Variants in PIK3R1 observed in about 807,000 individuals in gnomAD.
PIK3R1 encodes phosphoinositide-3-kinase regulatory subunit 1, also known as phosphatidylinositol 3-kinase regulatory subunit alpha.
PIK3R1 carries 29 observed loss-of-function variants against 98.0 expected under a neutral mutation model. That is an observed-to-expected ratio of 0.30 (90% CI 0.22 to 0.40). PIK3R1 has a LOEUF of 0.40. Among genes scored for constraint, PIK3R1 ranks in the 10% least tolerant of loss-of-function variants. The probability of loss-of-function intolerance (pLI) is 1.00; values close to 1 mark genes in which losing one functional copy is unlikely to be tolerated. For missense variants in PIK3R1, 596 were observed against 872.7 expected (o/e 0.68, Z 3.99); for synonymous variants, 282 against 311.8 (o/e 0.90, Z 1.01).
intron 2 of PIK3R1, among the ~76,000 whole-genome samples, chr5:68,268,663 T>G (rs1265517527): frequency 6.6e-6 from 1 of 152,222 alleles, no homozygotes; most frequent in Non-Finnish European, 1.5e-5. Context: ...TCCAAACTGC[T>G]TCCATCAGTA....
At chr5:68,278,862 C>T (rs973015957) in intron 4 of PIK3R1, among the ~76,000 whole-genome samples, 2 of 152,092 alleles carry the variant, frequency 1.3e-5, no homozygotes, top group African/African-American at 2.4e-5. Flanking sequence ...ATCGCTTGAA[C>T]CCGGGAGGTG....
intron 4 of PIK3R1, among the ~76,000 whole-genome samples, chr5:68,274,941 G>T (rs1354882848): frequency 2.0e-5 from 3 of 152,140 alleles, no homozygotes; most frequent in African/African-American, 7.2e-5. Context: ...CTCAGTTTTG[G>T]ACTCCGTCAG....
intron 2 of PIK3R1, among the ~76,000 whole-genome samples, chr5:68,242,168 T>A (rs1179521115): frequency 6.6e-6 from 1 of 152,264 alleles, no homozygotes; most frequent in Non-Finnish European, 1.5e-5. Flanking sequence ...GGAGTTGTAC[T>A]CCTTATAGCA....
chr5:68,297,626 C>T lies in PIK3R1; in HGVS notation c.*25C>T, dbSNP rs1282414252. The T allele has an allele frequency of 1.9e-6, 3 of 1,606,182 alleles. No homozygotes were observed. The highest frequency in any genetic ancestry group is 2.6e-6 in the Non-Finnish European group (3 of 1,174,896). ...AAGCGCTTACTCTTTGATCCTTCTC[C>T]TGAAGTTCAGCCACCCTGAGGCCTC... is the stretch of plus-strand genomic sequence containing the variant. On this transcript the variant is annotated 3_prime_UTR_variant, in exon 16 of 16. Coordinates refer to ENST00000521381, the MANE Select transcript of PIK3R1 (RefSeq NM_181523.3).
At chr5:68,296,481 A>G in intron 15 of PIK3R1, 140 bp downstream of exon 15, 1 of 758,798 alleles carries the variant, frequency 1.3e-6, no homozygotes, top group South Asian at 2.0e-5. Context: ...TAGAAGAGAA[A>G]CCAAAGCAGC....
In PIK3R1 at chr5:68,301,621, T is replaced by C. The variant is rs541063778; in HGVS notation, c.*4020T>C. On this transcript the variant is annotated 3_prime_UTR_variant, in exon 16 of 16. Transcript: ENST00000521381. The stretch of plus-strand genomic sequence containing the variant: ...TTTATATGACATTGTTAAAATAAAG[T>C]TGGTCTTTTGACGAGAGGGAGGATG... The C allele has an allele frequency of 3.9e-5, 6 of 155,640 alleles. No individual in the cohort carries two copies. Among genetic ancestry groups the C allele is most frequent in the Non-Finnish European group, 8.1e-5 (6 of 74,252 alleles). 9.6% of individuals were successfully genotyped at this position (155,640 alleles called of 1,614,324 possible). A position where few individuals can be genotyped will look rare whatever the true frequency, so the allele number is the denominator to read the frequency against.
At chr5:68,229,987 T>C (rs75977807) in intron 2 of PIK3R1, among the ~76,000 whole-genome samples, 1,953 of 152,364 alleles carry the variant, frequency 0.013, 49 homozygotes, top group African/African-American at 0.045. Flanking sequence ...TCTGAGTCCT[T>C]ATTTTGTGCT....
intron 1 of PIK3R1, among the ~76,000 whole-genome samples, chr5:68,216,197 G>A (rs560964580): frequency 2.0e-4 from 30 of 152,248 alleles, no homozygotes; most frequent in African/African-American, 6.0e-4. Context: ...CGTTTCCCCC[G>A]TCCTCCTGCG....
intron 2 of PIK3R1, among the ~76,000 whole-genome samples, chr5:68,236,746 G>T (rs1172078314): frequency 6.6e-6 from 1 of 152,052 alleles, no homozygotes; most frequent in Non-Finnish European, 1.5e-5. Flanking sequence ...CTTTTTGGGT[G>T]GTCTTCAATT....
intron 2 of PIK3R1, among the ~76,000 whole-genome samples, chr5:68,256,365 G>T (rs1444724449): frequency 6.6e-6 from 1 of 152,108 alleles, no homozygotes; most frequent in African/African-American, 2.4e-5. Flanking sequence ...GAGTAGCTGG[G>T]ACTACAGGTG....
chr5:68,296,624 T>C (rs1747726379), intron 15 of PIK3R1, among the ~76,000 whole-genome samples: 1 of 152,208 alleles, frequency 6.6e-6, no homozygotes, highest in African/African-American at 2.4e-5. Context: ...CAAGTCTTTT[T>C]TTCTCATCTT....
At position 68,292,283 on chromosome 5, in the gene PIK3R1, C is replaced by A. The variant is rs527587029; in HGVS notation, c.941C>A (p.Pro314His). 3.1e-6 allele frequency: 5 copies of A among 1,613,442 alleles called. No homozygotes were observed. The South Asian group carries it at 5.5e-5, about 18-fold the overall frequency. ...GCACTGCCTCCTAAACCACCAAAAC[C>A]TACTACTGTAGCCAACAACGGTATG... is the stretch of plus-strand genomic sequence containing the variant. ...APALPPKPPK[P>H]TTVANNGMNN... The change falls in exon 8 of 16, where the codon CCT becomes CAT. Residue 314 changes from proline to histidine, a missense_variant. By Grantham distance (77) the Pro-to-His change is moderately conservative. Around this residue, in one of 3 missense-constraint regions of PIK3R1, gnomAD observed 352 missense variants for 393.3 expected, o/e 0.90. Coordinates refer to ENST00000521381, the MANE Select transcript of PIK3R1 (RefSeq NM_181523.3).
chr5:68,293,457 C>T lies in PIK3R1; in HGVS notation c.1273C>T (p.Leu425Phe), dbSNP rs1001616209. ...TAATCCCAAATTGGATGTGAAATTA[C>T]TTTATCCAGTATCCAAATACCAACA... The part of the protein sequence containing the change: ...QYNPKLDVKL[L>F]YPVSKYQQDQ... The change falls in exon 10 of 16, where the codon CTT becomes TTT. Residue 425 changes from leucine (L) to phenylalanine (F), a missense_variant. Transcript: ENST00000521381. 2.9e-5 allele frequency: 47 copies of T among 1,611,664 alleles called. No individual in the cohort carries two copies. The highest frequency in any genetic ancestry group is 4.0e-5 in the Non-Finnish European group (47 of 1,178,610).
At chr5:68,224,536 A>G (rs1744209422) in intron 1 of PIK3R1, among the ~76,000 whole-genome samples, 1 of 152,220 alleles carries the variant, frequency 6.6e-6, no homozygotes, top group Non-Finnish European at 1.5e-5. Context: ...AAAGTTGAAT[A>G]CTTTACACTT....
chr5:68,250,698 CA>C (rs1462811845), intron 2 of PIK3R1, among the ~76,000 whole-genome samples: 1 of 152,128 alleles, frequency 6.6e-6, no homozygotes, highest in Non-Finnish European at 1.5e-5. Context: ...AGCCAGCTTA[CA>C]AATGAGCTTT....
intron 2 of PIK3R1, among the ~76,000 whole-genome samples, chr5:68,231,347 A>T (rs1022197669): frequency 6.6e-6 from 1 of 152,200 alleles, no homozygotes; most frequent in Non-Finnish European, 1.5e-5. Flanking sequence ...GCAGCCTCTG[A>T]CAGTGGATTT....
At chr5:68,264,108 T>A (rs1331169676) in intron 2 of PIK3R1, among the ~76,000 whole-genome samples, 1 of 152,214 alleles carries the variant, frequency 6.6e-6, no homozygotes, top group Non-Finnish European at 1.5e-5. Flanking sequence ...TGGGGAAGAA[T>A]GTGCTTTGTT....
At chr5:68,240,348 T>C (rs1250978700) in intron 2 of PIK3R1, among the ~76,000 whole-genome samples, 1 of 152,250 alleles carries the variant, frequency 6.6e-6, no homozygotes, top group Non-Finnish European at 1.5e-5. Flanking sequence ...TACAGTTATA[T>C]TGTAACTGTC....
chr5:68,288,642 G>T (rs1747205699), intron 7 of PIK3R1: 1 of 1,600,708 alleles, frequency 6.2e-7, no homozygotes, highest in Admixed American at 1.7e-5. Flanking sequence ...CTGGGGGGAG[G>T]TGCGGGGGCT....
Sources: gnomAD v4.1 joint callset for allele counts (sites outside exome capture counted in the v4.1 genomes callset) on GRCh38, gnomAD v4.1.1 for gene constraint, gnomAD v4.1.1 regional missense constraint, MANE v1.5 for transcripts, NCBI Gene and HGNC (gene_info 2026-07-23, HGNC 2026-07-21) for gene names.